Variants in SCFD2 observed in about 807,000 individuals in gnomAD.
The protein encoded by SCFD2 is sec1 family domain containing 2.
In SCFD2, 54 loss-of-function variants were observed where a neutral mutation model predicts 58.9. The ratio of observed to expected loss-of-function variants is 0.92; its 90% CI spans 0.74 to 1.15. The LOEUF is 1.15. Among genes scored for constraint, SCFD2 ranks in the 50% most tolerant of loss-of-function variants. The probability of loss-of-function intolerance (pLI) is 0.00; values close to 1 mark genes in which losing one functional copy is unlikely to be tolerated. For synonymous variants in SCFD2, 321 were observed against 335.9 expected, an observed-to-expected ratio of 0.96 and a Z score of 0.49; for missense variants, 805 against 836.6, an observed-to-expected ratio of 0.96 and a Z score of 0.47.
chr4:53,218,289 G>A (rs1214181715), intron 4 of SCFD2, among the ~76,000 whole-genome samples: 15 of 152,178 alleles, frequency 9.9e-5, no homozygotes, highest in Admixed American at 2.0e-4. Flanking sequence ...CCAATCAGAT[G>A]TAGATTTGGT....
intron 5 of SCFD2, among the ~76,000 whole-genome samples, chr4:53,032,528 G>C (rs989005555): frequency 1.3e-5 from 2 of 152,160 alleles, no homozygotes; most frequent in Non-Finnish European, 2.9e-5. Flanking sequence ...CCATCAGTGT[G>C]CTGTATTCAG....
intron 4 of SCFD2, among the ~76,000 whole-genome samples, chr4:53,198,726 C>G (rs1000528257): frequency 3.3e-5 from 5 of 151,654 alleles, no homozygotes; most frequent in African/African-American, 1.2e-4. Context: ...CTATAAGAAC[C>G]CTCATATGTA....
intron 7 of SCFD2, among the ~76,000 whole-genome samples, chr4:52,886,911 T>C (rs1281189241): frequency 2.0e-5 from 3 of 152,260 alleles, no homozygotes; most frequent in Non-Finnish European, 2.9e-5. Context: ...GGTCTCAGCA[T>C]AAATGTGCCC....
intron 5 of SCFD2, among the ~76,000 whole-genome samples, chr4:52,981,532 T>C (rs1316360409): frequency 1.3e-5 from 2 of 152,106 alleles, no homozygotes; most frequent in Non-Finnish European, 2.9e-5. Flanking sequence ...TATTAGAAGA[T>C]AAATTCAAGA....
At chr4:53,136,486 A>G (rs1010906718) in intron 5 of SCFD2, among the ~76,000 whole-genome samples, 1 of 152,226 alleles carries the variant, frequency 6.6e-6, no homozygotes, top group African/African-American at 2.4e-5. Context: ...ACTTTGATGG[A>G]TTAAAGGAAA....
chr4:53,268,967 G>C (rs886224565), intron 4 of SCFD2, among the ~76,000 whole-genome samples: 6 of 152,082 alleles, frequency 3.9e-5, no homozygotes, highest in Non-Finnish European at 8.8e-5. Flanking sequence ...TGTCAGAGAA[G>C]GGGGGTGCAA....
At chr4:53,249,617 C>T (rs1429985044) in intron 4 of SCFD2, among the ~76,000 whole-genome samples, 1 of 152,200 alleles carries the variant, frequency 6.6e-6, no homozygotes, top group Non-Finnish European at 1.5e-5. Context: ...TCGGCAAAAA[C>T]TCTACAAGCC....
At chr4:53,223,367 G>GT (rs1729104601) in intron 4 of SCFD2, among the ~76,000 whole-genome samples, 1 of 152,188 alleles carries the variant, frequency 6.6e-6, no homozygotes, top group Non-Finnish European at 1.5e-5. Context: ...TGAAGGAACT[G>GT]TTATAGTTCA....
At chr4:53,032,428 C>T (rs1475672270) in intron 5 of SCFD2, among the ~76,000 whole-genome samples, 6 of 152,108 alleles carry the variant, frequency 3.9e-5, no homozygotes, top group Non-Finnish European at 8.8e-5. Context: ...GGATCAAATT[C>T]ACACATAACA....
intron 2 of SCFD2, among the ~76,000 whole-genome samples, chr4:53,342,570 A>C (rs2149149116): frequency 6.6e-6 from 1 of 152,318 alleles, no homozygotes; most frequent in East Asian, 1.9e-4. Context: ...GTTAACAAGG[A>C]TATCCAGGAA....
At chr4:53,249,661 A>C (rs905001738) in intron 4 of SCFD2, among the ~76,000 whole-genome samples, 3 of 152,186 alleles carry the variant, frequency 2.0e-5, no homozygotes, top group Non-Finnish European at 2.9e-5. Context: ...CAACATTCTT[A>C]AAGAAAAGAA....
intron 4 of SCFD2, among the ~76,000 whole-genome samples, chr4:53,262,470 T>G (rs1217923928): frequency 6.6e-6 from 1 of 152,228 alleles, no homozygotes; most frequent in Non-Finnish European, 1.5e-5. Context: ...TCTCAGCATT[T>G]GTTTGTCTAG....
chr4:53,018,657 G>C (rs1400268384), intron 5 of SCFD2, among the ~76,000 whole-genome samples: 1 of 152,160 alleles, frequency 6.6e-6, no homozygotes, highest in Non-Finnish European at 1.5e-5. Context: ...TGCTAGGCCA[G>C]ACATTTCTGG....
chr4:53,263,259 G>C (rs1730881436), intron 4 of SCFD2, among the ~76,000 whole-genome samples: 1 of 152,080 alleles, frequency 6.6e-6, no homozygotes, highest in South Asian at 2.1e-4. Context: ...TGGAAATTTA[G>C]AGATTTCATC....
intron 4 of SCFD2, among the ~76,000 whole-genome samples, chr4:53,268,695 G>A (rs1731068343): frequency 6.6e-6 from 1 of 152,124 alleles, no homozygotes; most frequent in African/African-American, 2.4e-5. Flanking sequence ...AGAGGCAGGG[G>A]CAGCACAGGG....
intron 5 of SCFD2, among the ~76,000 whole-genome samples, chr4:52,979,785 T>G (rs1034169054): frequency 2.6e-5 from 4 of 152,170 alleles, no homozygotes; most frequent in Non-Finnish European, 5.9e-5. Context: ...CATAAAATAA[T>G]CCGAGTTGAT....
At chr4:53,164,590 T>C (rs1726948770) in intron 4 of SCFD2, among the ~76,000 whole-genome samples, 1 of 152,014 alleles carries the variant, frequency 6.6e-6, no homozygotes, top group Non-Finnish European at 1.5e-5. Context: ...GATGAGGTGT[T>C]CAAGACCAGA....
At chr4:53,208,618 CA>C (rs1017814451) in intron 4 of SCFD2, among the ~76,000 whole-genome samples, 25 of 152,136 alleles carry the variant, frequency 1.6e-4, no homozygotes, top group Non-Finnish European at 3.1e-4. Flanking sequence ...TATGCTGCAC[CA>C]TGGCAGCAAA....
rs777520511 is a variant in SCFD2 at position 52,952,608 on chromosome 4, C to A, written c.1562-31738G>T. On this transcript the variant is annotated intron_variant, in intron 5 of 8. Coordinates refer to ENST00000401642, the MANE Select transcript of SCFD2 (RefSeq NM_152540.4). ...ATAGTTAATTTTAAAATTTTAATTT[C>A]TTTTGAAATAGGCAGTAATCACATA... Among the ~76,000 whole-genome samples, 39 of 152,172 alleles carry A rather than the reference C, an allele frequency of 2.6e-4. 1 individual carries two copies. The highest frequency in any genetic ancestry group is 3.4e-3 in the Middle Eastern group (1 of 294).
Sources: gnomAD v4.1 joint callset for allele counts (sites outside exome capture counted in the v4.1 genomes callset) on GRCh38, gnomAD v4.1.1 for gene constraint, MANE v1.5 for transcripts, NCBI Gene and HGNC (gene_info 2026-07-23, HGNC 2026-07-21) for gene names.